The following NAA60 variants were observed in gnomAD, a reference collection of about 807,000 sequenced individuals.
The protein encoded by NAA60 is N-alpha-acetyltransferase 60, NatF catalytic subunit, also known as N-alpha-acetyltransferase 60.
NAA60 carries 8 observed loss-of-function variants against 26.1 expected under a neutral mutation model. That is an observed-to-expected ratio of 0.31 (90% CI 0.18 to 0.55). The LOEUF (loss-of-function observed/expected upper bound fraction) is 0.55. Ranked by LOEUF, NAA60 falls within the 20% of genes least tolerant of loss-of-function variation. The pLI is 0.93. For missense variants in NAA60, 290 were observed against 311.3 expected (o/e 0.93, Z 0.51); for synonymous variants, 131 against 122.5 (o/e 1.07, Z -0.46).
At chr16:3,480,296 C>CT (rs1192233113) in intron 4 of NAA60, among the ~76,000 whole-genome samples, 2 of 152,146 alleles carry the variant, frequency 1.3e-5, no homozygotes, top group Non-Finnish European at 2.9e-5. Context: ...GAGGTTATTT[C>CT]TTTAAAAGTT....
chr16:3,444,431 G>C (rs1212610238), intron 1 of NAA60, among the ~76,000 whole-genome samples: 1 of 152,082 alleles, frequency 6.6e-6, no homozygotes, highest in East Asian at 1.9e-4. Flanking sequence ...GAAATTGCCA[G>C]TTTATAAAGG....
chr16:3,455,208 T>C (rs964084373), intron 2 of NAA60, among the ~76,000 whole-genome samples: 3 of 150,960 alleles, frequency 2.0e-5, no homozygotes, highest in Admixed American at 6.6e-5. Context: ...TGTACCACCA[T>C]GCTCAGCAAA....
chr16:3,466,557 CCT>C (rs1184114602), intron 2 of NAA60, among the ~76,000 whole-genome samples: 5 of 152,214 alleles, frequency 3.3e-5, no homozygotes, highest in African/African-American at 1.2e-4. Context: ...CTTTTTCTCC[CCT>C]GTTCCCCAAA....
In NAA60 at chr16:3,482,640, C is replaced by A. The variant is rs557958397; in HGVS notation, c.337+42C>A. ...CCGCGGCTTGGCGCCCACCCCACCC[C>A]CTTGCCCTACCCCACCCCCATCCCA... On this transcript the variant is annotated intron_variant, in intron 5 of 7. Transcript: ENST00000407558. 44 of 1,421,272 alleles carry A rather than the reference C, an allele frequency of 3.1e-5. No individual in the cohort carries two copies. In the African/African-American group the frequency reaches 6.0e-4, roughly 19 times the overall value. The allele number at this position is 1,421,272 out of a possible 1,614,324, so 88.0% of individuals were successfully genotyped here.
intron 1 of NAA60, among the ~76,000 whole-genome samples, chr16:3,444,901 C>G (rs2034488457): frequency 6.6e-6 from 1 of 152,168 alleles, no homozygotes; most frequent in South Asian, 2.1e-4. Context: ...AGGGGAAGGA[C>G]CTAGCCTCCC....
At chr16:3,456,372 T>C (rs150218386) in intron 2 of NAA60, among the ~76,000 whole-genome samples, 349 of 152,168 alleles carry the variant, frequency 2.3e-3, no homozygotes, top group Middle Eastern at 6.8e-3. Flanking sequence ...TTATGATTGA[T>C]TGGGCTCCCC....
chr16:3,471,868 G>A (rs1424237954), intron 2 of NAA60, among the ~76,000 whole-genome samples: 1 of 152,144 alleles, frequency 6.6e-6, no homozygotes, highest in African/African-American at 2.4e-5. Context: ...CGTGTGCTGG[G>A]GCCCTTGTGT....
intron 2 of NAA60, among the ~76,000 whole-genome samples, chr16:3,450,699 CAAA>C (rs539095336): frequency 0.074 from 5,456 of 73,486 alleles, 258 homozygotes; most frequent in South Asian, 0.21. Flanking sequence ...GACTCCGTCT[CAAA>C]AAAAAAAAAA....
chr16:3,471,696 C>G (rs2036158002), intron 2 of NAA60, among the ~76,000 whole-genome samples: 1 of 152,238 alleles, frequency 6.6e-6, no homozygotes, highest in Admixed American at 6.5e-5. Flanking sequence ...TCATCCTGCC[C>G]TCTCCGGTGA....
chr16:3,484,956 G>A lies in NAA60; in HGVS notation c.*101G>A, dbSNP rs1313430693. The A allele has an allele frequency of 6.5e-7, 1 of 1,534,914 alleles. No individual in the cohort carries two copies. The highest frequency in any genetic ancestry group is 8.8e-7 in the Non-Finnish European group (1 of 1,142,746). On this transcript the variant is annotated 3_prime_UTR_variant, in exon 7 of 8. Coordinates refer to ENST00000407558, the MANE Select transcript of NAA60 (RefSeq NM_001083601.3). Reference sequence around the variant, plus strand: ...TTCTGTTTTCTGCAAGGAGCTGCCAGCCATCTAACTGGGCTCGTCGGCCTG... The same window carrying A: ...TTCTGTTTTCTGCAAGGAGCTGCCAACCATCTAACTGGGCTCGTCGGCCTG...
intron 2 of NAA60, among the ~76,000 whole-genome samples, chr16:3,460,912 C>T (rs573402904): frequency 6.6e-6 from 1 of 152,204 alleles, no homozygotes; most frequent in East Asian, 1.9e-4. Flanking sequence ...TCCTTCCCTA[C>T]ATATCATTAT....
chr16:3,458,032 G>T, intron 2 of NAA60: 1 of 985,256 alleles, frequency 1.0e-6, no homozygotes, highest in South Asian at 4.7e-5. Flanking sequence ...AGGCGGAAGT[G>T]CCGCGGGCTG....
At chr16:3,469,292 CA>C (rs2035970984) in intron 2 of NAA60, among the ~76,000 whole-genome samples, 3 of 132,024 alleles carry the variant, frequency 2.3e-5, no homozygotes, top group Admixed American at 7.7e-5. Context: ...ACCTGCCTGG[CA>C]GGGCCCGTCT....
intron 2 of NAA60, among the ~76,000 whole-genome samples, chr16:3,461,490 A>T (rs145092567): frequency 6.6e-6 from 1 of 152,204 alleles, no homozygotes; most frequent in Non-Finnish European, 1.5e-5. Context: ...CCCCATCTCT[A>T]TCTCAGCCAG....
chr16:3,443,704 C>A lies in NAA60; in HGVS notation c.-210C>A. ...TCCGCTTCCGCTGGCGGGGTCTCCT[C>A]CGTGAGCTCCGGGCCTGTTTGCCTG... is the stretch of plus-strand genomic sequence containing the variant. On this transcript the variant is annotated 5_prime_UTR_variant, in exon 1 of 8. Coordinates refer to ENST00000407558, the MANE Select transcript of NAA60 (RefSeq NM_001083601.3). 2 of 1,435,612 alleles carry A rather than the reference C, an allele frequency of 1.4e-6. No individual in the cohort carries two copies. The highest frequency in any genetic ancestry group is 1.8e-6 in the Non-Finnish European group (2 of 1,096,660). 88.9% of individuals were successfully genotyped at this position (1,435,612 alleles called of 1,614,324 possible).
At chr16:3,448,322 A>C (rs891836354) in intron 1 of NAA60, 149 bp from the exon 2 acceptor site, 19 of 535,628 alleles carry the variant, frequency 3.5e-5, no homozygotes, top group Non-Finnish European at 5.8e-5. Flanking sequence ...TTAGAGAACT[A>C]CATGTTTAGA....
intron 2 of NAA60, among the ~76,000 whole-genome samples, chr16:3,473,536 G>T (rs1176529847): frequency 6.6e-6 from 1 of 152,152 alleles, no homozygotes; most frequent in African/African-American, 2.4e-5. Flanking sequence ...GGGAATTTTG[G>T]GAGCTACAAT....
intron 2 of NAA60, among the ~76,000 whole-genome samples, chr16:3,452,139 G>A (rs2034810693): frequency 6.6e-6 from 1 of 152,164 alleles, no homozygotes; most frequent in Admixed American, 6.5e-5. Flanking sequence ...CTTGAGACCA[G>A]GAGGTTGACG....
chr16:3,452,903 C>T (rs557261316), intron 2 of NAA60, among the ~76,000 whole-genome samples: 6 of 152,120 alleles, frequency 3.9e-5, no homozygotes, highest in South Asian at 2.1e-4. Context: ...TGCAGTAAGC[C>T]GTGATCATGC....
Sources: allele counts gnomAD v4.1 joint callset (sites outside exome capture counted in the v4.1 genomes callset), GRCh38; gene constraint gnomAD v4.1.1; transcripts MANE v1.5; gene names NCBI Gene and HGNC (gene_info 2026-07-23, HGNC 2026-07-21).